Variants in MSI2 observed in about 807,000 individuals in gnomAD.
MSI2 encodes the protein musashi RNA binding protein 2.
Under a neutral mutation model 45.6 loss-of-function variants are expected in MSI2, and 17 were observed. The observed-to-expected ratio is 0.37, with a 90% CI of 0.26 to 0.56. The LOEUF is 0.56. Among genes scored for constraint, MSI2 ranks in the 20% least tolerant of loss-of-function variants. The pLI, the probability that MSI2 is intolerant of heterozygous loss-of-function variation, is 0.77. For missense variants in MSI2, 293 were observed against 444.2 expected (o/e 0.66, Z 3.06); for synonymous variants, 156 against 158.2 (o/e 0.99, Z 0.11).
Position 57,480,486 on chromosome 17 carries a change from G to C in MSI2, c.406-49190G>C, listed in dbSNP as rs535382290. Reference sequence around the variant, plus strand: ...TCAGGCTCCAACCAGCAGCAGGAGAGTTTTGAAGCTGCAGAAGAGATTTCT... The same window carrying C: ...TCAGGCTCCAACCAGCAGCAGGAGACTTTTGAAGCTGCAGAAGAGATTTCT... On this transcript the variant is annotated intron_variant, in intron 6 of 13. Transcript: ENST00000284073. Among the ~76,000 whole-genome samples, 8 of 152,316 alleles carry C rather than the reference G, an allele frequency of 5.3e-5. No homozygotes were observed. The South Asian group carries it at 1.7e-3, about 32-fold the overall frequency.
intron 8 of MSI2, among the ~76,000 whole-genome samples, chr17:57,609,929 T>C (rs1383160086): frequency 6.6e-6 from 1 of 152,188 alleles, no homozygotes; most frequent in Non-Finnish European, 1.5e-5. Context: ...TGCACACAGG[T>C]ACTGGGTCTG....
intron 9 of MSI2, among the ~76,000 whole-genome samples, chr17:57,622,653 C>CAAA (rs113441008): frequency 7.0e-6 from 1 of 143,832 alleles, no homozygotes; most frequent in African/African-American, 2.5e-5. Flanking sequence ...GAAATGTGAG[C>CAAA]AAAAAAAAAA....
chr17:57,341,264 C>G (rs1915124778), intron 5 of MSI2, among the ~76,000 whole-genome samples: 1 of 152,158 alleles, frequency 6.6e-6, no homozygotes, highest in African/African-American at 2.4e-5. Context: ...TGCATCTTAT[C>G]CAGCTCGCAG....
intron 5 of MSI2, among the ~76,000 whole-genome samples, chr17:57,315,168 T>G (rs1037399007): frequency 2.0e-5 from 3 of 152,284 alleles, no homozygotes; most frequent in Non-Finnish European, 2.9e-5. Flanking sequence ...GTATAGAAAC[T>G]GTTTTCTGCC....
At chr17:57,391,110 G>A (rs1008579193) in intron 5 of MSI2, among the ~76,000 whole-genome samples, 1 of 152,336 alleles carries the variant, frequency 6.6e-6, no homozygotes, top group Non-Finnish European at 1.5e-5. Flanking sequence ...CACCAAGGTT[G>A]TGTGTTCCTA....
At chr17:57,378,888 A>G (rs1598191187) in intron 5 of MSI2, among the ~76,000 whole-genome samples, 1 of 152,258 alleles carries the variant, frequency 6.6e-6, no homozygotes, top group South Asian at 2.1e-4. Context: ...ACAGTAAATG[A>G]GTGGAAGCTG....
intron 6 of MSI2, among the ~76,000 whole-genome samples, chr17:57,527,241 G>A (rs73312834): frequency 0.049 from 6,634 of 136,126 alleles, 461 homozygotes; most frequent in African/African-American, 0.17. Flanking sequence ...ATTTACCTGC[G>A]TGATACCTGG....
downstream of MSI2, among the ~76,000 whole-genome samples, chr17:57,687,845 A>G (rs539175785): frequency 3.3e-5 from 5 of 152,208 alleles, no homozygotes; most frequent in Non-Finnish European, 7.4e-5. Flanking sequence ...ATTCTACAAT[A>G]TATCAAGAGT....
rs2086920069 is a variant in MSI2 at position 57,536,378 on chromosome 17, G to A, written c.454+6654G>A. ...AGTCCAAGAAGAAGGGTTGTTGGAG[G>A]GAGTAGAAAGTATGATAAGGATGTG... On this transcript the variant is annotated intron_variant, in intron 7 of 13. Transcript: ENST00000284073. Among the ~76,000 whole-genome samples, 2 of 152,186 alleles carry A rather than the reference G, an allele frequency of 1.3e-5. 1 individual carries two copies. The highest frequency in any genetic ancestry group is 4.1e-4 in the South Asian group (2 of 4,830).
In MSI2 at chr17:57,681,317, CATATTG is replaced by C. The variant is rs1913581490; in HGVS notation, c.*1801_*1806del. 5.5e-6 allele frequency: 1 copy of C among 181,258 alleles called. No homozygotes were observed. The highest frequency in any genetic ancestry group is 2.0e-4 in the South Asian group (1 of 5,082). 11.2% of individuals were successfully genotyped at this position (181,258 alleles called of 1,614,324 possible). On this transcript the variant is annotated 3_prime_UTR_variant, in exon 14 of 14. Coordinates refer to ENST00000284073, the MANE Select transcript of MSI2 (RefSeq NM_138962.4). Reference sequence around the variant, plus strand: ...TACAACTCAATAGATGGCATTAAAACATATTGTAGTGTGGATATATATTTTTTCTTT... The same window carrying C: ...TACAACTCAATAGATGGCATTAAAACTAGTGTGGATATATATTTTTTCTTT...
chr17:57,607,779 CAG>C (rs1567932769), intron 8 of MSI2, among the ~76,000 whole-genome samples: 1 of 152,206 alleles, frequency 6.6e-6, no homozygotes, highest in African/African-American at 2.4e-5. Context: ...GGTGGGGCCT[CAG>C]GGAGCTTTTA....
At chr17:57,401,598 T>C (rs1447477394) in intron 6 of MSI2, 127 bp downstream of exon 6, 6 of 697,952 alleles carry the variant, frequency 8.6e-6, no homozygotes, top group African/African-American at 1.8e-5. Flanking sequence ...AACCTGGCCA[T>C]CATGATTTAA....
In MSI2 at chr17:57,627,051, C is replaced by T; in HGVS notation, c.653-178C>T. ...TAATTAGCAACAGCTGACAGCAGCGCCCCCGGCCACAGGAGAGAGGTGACC... is the reference window on the plus strand; with the variant it reads ...TAATTAGCAACAGCTGACAGCAGCGTCCCCGGCCACAGGAGAGAGGTGACC... On this transcript the variant is annotated intron_variant, in intron 9 of 13. Coordinates refer to ENST00000284073, the MANE Select transcript of MSI2 (RefSeq NM_138962.4). The surrounding 1 kb of genome is among the most constrained non-coding windows in gnomAD (Gnocchi z 4.6). 4 of 622,842 alleles carry T rather than the reference C, an allele frequency of 6.4e-6. No homozygotes were observed. Among genetic ancestry groups the T allele is most frequent in the Non-Finnish European group, 1.1e-5 (4 of 350,948 alleles). The allele number at this position is 622,842 out of a possible 1,614,324, so 38.6% of individuals were successfully genotyped here.
At chr17:57,258,003 C>G (rs1217175617) in intron 3 of MSI2, among the ~76,000 whole-genome samples, 1 of 152,116 alleles carries the variant, frequency 6.6e-6, no homozygotes, top group East Asian at 1.9e-4. Flanking sequence ...GGAGAGGAAA[C>G]TGAGGTGGCC....
intron 11 of MSI2, among the ~76,000 whole-genome samples, chr17:57,672,178 G>A (rs1382423680): frequency 2.6e-5 from 4 of 152,226 alleles, no homozygotes; most frequent in Non-Finnish European, 5.9e-5. Flanking sequence ...GAGCAAGTGC[G>A]TAATAAAACG....
the MSI2 span, among the ~76,000 whole-genome samples, chr17:57,695,456 C>G: frequency 6.6e-6 from 1 of 152,188 alleles, no homozygotes; most frequent in East Asian, 1.9e-4. Context: ...GGACTTACTT[C>G]CCTCCATTTT....
intron 10 of MSI2, among the ~76,000 whole-genome samples, chr17:57,637,142 T>G (rs1909897093): frequency 6.6e-6 from 1 of 152,184 alleles, no homozygotes; most frequent in East Asian, 1.9e-4. Context: ...AGCTCCCTCA[T>G]GGCCAGCCCA....
chr17:57,685,877 T>C (rs1245622347), downstream of MSI2, among the ~76,000 whole-genome samples: 1 of 152,202 alleles, frequency 6.6e-6, no homozygotes, highest in Non-Finnish European at 1.5e-5. Context: ...CCGGCCATCG[T>C]GGCCATGCTC....
At chr17:57,326,466 T>C (rs896794207) in intron 5 of MSI2, among the ~76,000 whole-genome samples, 4 of 152,080 alleles carry the variant, frequency 2.6e-5, no homozygotes, top group African/African-American at 9.7e-5. Context: ...GAGATATAGG[T>C]CTGTATTTCT....
Sources: allele counts gnomAD v4.1 joint callset (sites outside exome capture counted in the v4.1 genomes callset), GRCh38; gene constraint gnomAD v4.1.1; non-coding constraint Gnocchi (gnomAD v3.1); transcripts MANE v1.5; gene names NCBI Gene and HGNC (gene_info 2026-07-23, HGNC 2026-07-21).